UBAP2L: variants seen among roughly 807,000 people sequenced by gnomAD.
UBAP2L encodes the protein ubiquitin associated protein 2 like.
Under a neutral mutation model 130.6 loss-of-function variants are expected in UBAP2L, and 12 were observed. The observed-to-expected ratio is 0.09, with a 90% CI of 0.06 to 0.15. UBAP2L has a LOEUF of 0.15. Ranked by LOEUF, UBAP2L falls within the 10% of genes least tolerant of loss-of-function variation. The pLI is 1.00. For synonymous variants in UBAP2L, 503 were observed against 524.7 expected (o/e 0.96, Z 0.57); for missense variants, 965 against 1,332.5 (o/e 0.72, Z 4.29).
intron 21 of UBAP2L, among the ~76,000 whole-genome samples, chr1:154,259,324 G>A (rs1452181009): frequency 6.6e-6 from 1 of 151,954 alleles, no homozygotes; most frequent in African/African-American, 2.4e-5. Flanking sequence ...CCGAGTAGCT[G>A]GGATTAAAGG....
At chr1:154,228,539 C>T (rs1668744119) in intron 3 of UBAP2L, 76 bp from the exon 4 acceptor site, 1 of 1,129,462 alleles carries the variant, frequency 8.9e-7, no homozygotes. Context: ...GATAGCGTTT[C>T]CCTTCACCTA....
chr1:154,226,210 A>T (rs1345307544), intron 2 of UBAP2L, among the ~76,000 whole-genome samples: 1 of 152,160 alleles, frequency 6.6e-6, no homozygotes, highest in Non-Finnish European at 1.5e-5. Flanking sequence ...CTCTGGTTCC[A>T]TTGAGACCTT....
intron 8 of UBAP2L, among the ~76,000 whole-genome samples, chr1:154,239,735 G>A (rs149521376): frequency 6.6e-6 from 1 of 152,196 alleles, no homozygotes; most frequent in Non-Finnish European, 1.5e-5. Flanking sequence ...TAACCTGTTA[G>A]ATCATGTCTA....
At chr1:154,255,885 G>A (rs1047906536) in intron 18 of UBAP2L, 130 bp downstream of exon 18, 2 of 1,108,200 alleles carry the variant, frequency 1.8e-6, no homozygotes, top group Non-Finnish European at 2.7e-6. Flanking sequence ...GAGGTTGCAG[G>A]AAAAGGAGTA....
chr1:154,255,397 C>CCT, intron 17 of UBAP2L, 71 bp downstream of exon 17: 1 of 1,559,730 alleles, frequency 6.4e-7, no homozygotes. Context: ...CCTTATTACT[C>CCT]CCTTGACCTG....
At chr1:154,257,605 C>T (rs375509282) in intron 20 of UBAP2L, 171 bp downstream of exon 20, 10 of 669,554 alleles carry the variant, frequency 1.5e-5, no homozygotes, top group Admixed American at 6.0e-5. Context: ...TAAATGTGGC[C>T]GTATTTTTGA....
Position 154,251,142 on chromosome 1 carries a change from T to G in UBAP2L, c.1315T>G (p.Ser439Ala). The change falls in exon 13 of 27, where the codon TCA (serine) becomes GCA (alanine). Residue 439 changes from serine to alanine, a missense_variant. This residue lies in a region of UBAP2L where 74 missense variants were observed against 97.1 expected (regional missense o/e 0.76). Transcript: ENST00000428931. The part of the protein sequence containing the change: ...TMMEVFLQEK[S>A]PAVATSTAAP... ...GATGGAGGTGTTCCTTCAGGAGAAG[T>G]CACCTGCAGTGGCTACCTCCACAGC... The G allele has an allele frequency of 6.2e-7, 1 of 1,614,130 alleles. No individual in the cohort carries two copies. Among genetic ancestry groups the G allele is most frequent in the Non-Finnish European group, 8.5e-7 (1 of 1,180,028 alleles).
rs923113703 is a variant in UBAP2L at position 154,245,581 on chromosome 1, T to C, written c.843-623T>C. On this transcript the variant is annotated intron_variant, in intron 10 of 26. Transcript: ENST00000428931. The stretch of plus-strand genomic sequence containing the variant: ...TATTAAAATCATGGATAAGTACTTG[T>C]AAGTTTTGGCTGAGTTATTGAGCTG... Among the ~76,000 whole-genome samples the C allele has an allele frequency of 3.9e-5, 6 of 152,200 alleles. 1 individual carries two copies. The highest frequency in any genetic ancestry group is 7.3e-5 in the Non-Finnish European group (5 of 68,028).
chr1:154,258,686 G>A (rs1231500216), intron 20 of UBAP2L: 1 of 268,296 alleles, frequency 3.7e-6, no homozygotes, highest in Non-Finnish European at 7.2e-6. Flanking sequence ...AGAATAGAGA[G>A]TAAAACTGGT....
chr1:154,270,376 A>G lies in UBAP2L; in HGVS notation c.*81A>G. 1 of 1,591,194 alleles carries G rather than the reference A, an allele frequency of 6.3e-7. No individual in the cohort carries two copies. ...ACTATGGAAACAGCATCAAAGAGAAAGGAATGTGGGGGGTTTCCGCTGCCC... is the reference window on the plus strand; with the variant it reads ...ACTATGGAAACAGCATCAAAGAGAAGGGAATGTGGGGGGTTTCCGCTGCCC... On this transcript the variant is annotated 3_prime_UTR_variant, in exon 27 of 27. Transcript: ENST00000428931.
intron 4 of UBAP2L, among the ~76,000 whole-genome samples, chr1:154,232,678 C>T (rs1670254059): frequency 2.0e-5 from 3 of 152,156 alleles, no homozygotes; most frequent in Middle Eastern, 6.8e-3. Flanking sequence ...CTGCGACTGT[C>T]GTTTGGTCTT....
intron 25 of UBAP2L, 73 bp downstream of exon 25, chr1:154,266,641 A>G: frequency 2.0e-6 from 3 of 1,492,632 alleles, no homozygotes; most frequent in Non-Finnish European, 2.8e-6. Context: ...TGGTAGAAAT[A>G]ACAGTGGACA....
At chr1:154,250,805 C>T (rs928860723) in intron 12 of UBAP2L, among the ~76,000 whole-genome samples, 2 of 149,060 alleles carry the variant, frequency 1.3e-5, no homozygotes, top group Non-Finnish European at 3.0e-5. Context: ...TGAGATTGCA[C>T]CATTGCATTC....
In UBAP2L at chr1:154,268,971, T is replaced by C. The variant is rs778985563; in HGVS notation, c.3168+17T>C. ...GATGGCCAGGTAATAGCCCTTCCCC[T>C]TCTCTCCTTTCCCTTCCTCTTCCTT... On this transcript the variant is annotated intron_variant, in intron 26 of 26. Coordinates refer to ENST00000428931, the MANE Select transcript of UBAP2L (RefSeq NM_014847.4). The C allele has an allele frequency of 9.3e-6, 15 of 1,607,398 alleles. No individual in the cohort carries two copies. Among genetic ancestry groups the C allele is most frequent in the Non-Finnish European group, 1.1e-5 (13 of 1,176,460 alleles).
chr1:154,263,518 T>G, intron 24 of UBAP2L: 5 of 1,034,250 alleles, frequency 4.8e-6, no homozygotes, highest in Non-Finnish European at 5.8e-6. Flanking sequence ...TGGCGTTCTT[T>G]CCGTGCATGT....
chr1:154,270,794 G>GTT lies in UBAP2L; in HGVS notation c.*500_*501insTT. ...TGTTTTTTTTTTTTTTTTGTACTGT[G>GTT]TCCTCAAATTTAATGGATTAATGTG... On this transcript the variant is annotated 3_prime_UTR_variant, in exon 27 of 27. Coordinates refer to ENST00000428931, the MANE Select transcript of UBAP2L (RefSeq NM_014847.4). The GTT allele has an allele frequency of 1.4e-6, 1 of 712,498 alleles. No individual in the cohort carries two copies. Among genetic ancestry groups the GTT allele is most frequent in the Non-Finnish European group, 1.8e-6 (1 of 552,822 alleles). The allele number at this position is 712,498 out of a possible 1,614,324, so 44.1% of individuals were successfully genotyped here.
In UBAP2L at chr1:154,259,003, G is replaced by A. The variant is rs768281405; in HGVS notation, c.2469G>A (p.Leu823=). 1 of 1,614,040 alleles carries A rather than the reference G, an allele frequency of 6.2e-7. No individual in the cohort carries two copies. The highest frequency in any genetic ancestry group is 8.5e-7 in the Non-Finnish European group (1 of 1,179,946). The change falls in exon 21 of 27, where the codon TTG becomes TTA. Residue 823 remains leucine (L), a synonymous_variant. Transcript: ENST00000428931. Reference sequence around the variant, plus strand: ...CACAAGTATATGGTTATGATGACTTGCAGATGCTTCAGACAAGATTTCCAT... The same window carrying A: ...CACAAGTATATGGTTATGATGACTTACAGATGCTTCAGACAAGATTTCCAT... ...YPPQVYGYDD[L]QMLQTRFPLD...
At chr1:154,263,220 A>G in intron 24 of UBAP2L, 1 of 1,548,738 alleles carries the variant, frequency 6.5e-7, no homozygotes, top group Non-Finnish European at 8.7e-7. Context: ...TTGTTTCAGA[A>G]ACCAGACCAC....
chr1:154,267,878 GTCTTTTTT>G (rs1218909984), intron 25 of UBAP2L, among the ~76,000 whole-genome samples: 1 of 62,734 alleles, frequency 1.6e-5, no homozygotes, highest in Non-Finnish European at 3.7e-5. Context: ...CTCTTATTTG[GTCTTTTTT>G]TTTTTTTTTT....
Sources: allele counts gnomAD v4.1 joint callset (sites outside exome capture counted in the v4.1 genomes callset), GRCh38; gene constraint gnomAD v4.1.1; regional missense constraint gnomAD v4.1.1; transcripts MANE v1.5; gene names NCBI Gene and HGNC (gene_info 2026-07-23, HGNC 2026-07-21).